Variants in NCAM1 observed in about 807,000 individuals in gnomAD.
NCAM1 encodes the protein antigen recognized by monoclonal antibody 5.1H11.
A neutral mutation model predicts 109.8 loss-of-function variants in NCAM1; 14 were observed. The ratio of observed to expected loss-of-function variants is 0.13; its 90% CI spans 0.08 to 0.20. The LOEUF is 0.20. NCAM1 is among the 10% of genes least tolerant of loss of function. NCAM1 has a pLI of 1.00. For synonymous variants in NCAM1, 418 were observed against 442.9 expected, an observed-to-expected ratio of 0.94 and a Z score of 0.70; for missense variants, 774 against 1,109.9, an observed-to-expected ratio of 0.70 and a Z score of 4.30.
At chr11:113,156,875 G>T (rs563237675) in intron 1 of NCAM1, among the ~76,000 whole-genome samples, 1 of 152,232 alleles carries the variant, frequency 6.6e-6, no homozygotes, top group African/African-American at 2.4e-5. Flanking sequence ...TGTTAAAGGA[G>T]AAGGTAGGCA....
chr11:113,256,143 C>T (rs980631939), intron 16 of NCAM1, 142 bp downstream of exon 16: 14 of 1,133,046 alleles, frequency 1.2e-5, no homozygotes, highest in Non-Finnish European at 1.6e-5. Flanking sequence ...TGGGCCCTGG[C>T]CATGGCTTAA....
chr11:113,003,956 T>C (rs1951822700), intron 1 of NCAM1: 1 of 152,236 alleles, frequency 6.6e-6, no homozygotes, highest in Non-Finnish European at 1.5e-5. Context: ...ACCAGGTGGT[T>C]TCACTTACGA....
chr11:113,121,239 T>TTTTTG (rs1373580232), intron 1 of NCAM1, among the ~76,000 whole-genome samples: 1 of 150,306 alleles, frequency 6.7e-6, no homozygotes, highest in Non-Finnish European at 1.5e-5. Context: ...TTTTTTTTTT[T>TTTTTG]TGAGACAGTC....
chr11:113,163,253 C>A (rs782353583), intron 1 of NCAM1, among the ~76,000 whole-genome samples: 2 of 152,120 alleles, frequency 1.3e-5, no homozygotes, highest in Admixed American at 6.5e-5. Context: ...ATATCTTTTT[C>A]TGTCTGTAAA....
At chr11:113,051,518 A>ACC (rs1953488271) in intron 1 of NCAM1, among the ~76,000 whole-genome samples, 2 of 137,556 alleles carry the variant, frequency 1.5e-5, no homozygotes, top group Non-Finnish European at 3.4e-5. Context: ...AAAATTGCCC[A>ACC]TTAAACTACC....
At chr11:113,226,669 C>T (rs1555116290) in intron 9 of NCAM1, among the ~76,000 whole-genome samples, 1 of 152,182 alleles carries the variant, frequency 6.6e-6, no homozygotes, top group African/African-American at 2.4e-5. Context: ...AAATTGACCA[C>T]ATAGTTGGAA....
At chr11:113,236,451 C>A (rs2137298002) in intron 14 of NCAM1, 1 of 914,654 alleles carries the variant, frequency 1.1e-6, no homozygotes, top group South Asian at 1.5e-5. Context: ...CCTAACCACA[C>A]TGACCTTAGT....
At chr11:112,995,453 A>G (rs1422128753) in intron 1 of NCAM1, among the ~76,000 whole-genome samples, 1 of 152,206 alleles carries the variant, frequency 6.6e-6, no homozygotes, top group African/African-American at 2.4e-5. Context: ...CTAACTTAAG[A>G]GTCTTGTGGT....
Position 112,961,447 on chromosome 11 carries a change from C to G in NCAM1, c.-166C>G. ...TCATTCTCCGATCAGCGCGTGAACG[C>G]AGCTCGGCTGCCGCTGGCAGGAAAC... On this transcript the variant is annotated 5_prime_UTR_variant, in exon 1 of 20. Coordinates refer to ENST00000316851, the MANE Select transcript of NCAM1 (RefSeq NM_181351.5). 1 of 769,134 alleles carries G rather than the reference C, an allele frequency of 1.3e-6. No homozygotes were observed. Among genetic ancestry groups the G allele is most frequent in the South Asian group, 1.4e-5 (1 of 72,280 alleles). 47.6% of individuals were successfully genotyped at this position (769,134 alleles called of 1,614,324 possible). A position where few individuals can be genotyped will look rare whatever the true frequency, so the allele number is the denominator to read the frequency against.
In NCAM1 at chr11:113,251,272, G is replaced by A. The variant is rs552216672; in HGVS notation, c.1829-4605G>A. On this transcript the variant is annotated intron_variant, in intron 15 of 19. Transcript: ENST00000316851. The stretch of plus-strand genomic sequence containing the variant: ...CTGGATTTGCTATAATTTTTGTTGT[G>A]GAATTCAGATATCCAGTGGAGTTTT... Among the ~76,000 whole-genome samples the A allele has an allele frequency of 2.6e-5, 4 of 152,272 alleles. No homozygotes were observed. In the South Asian group the frequency reaches 6.2e-4, roughly 24 times the overall value.
At chr11:113,235,191 T>C (rs1555118042) in intron 14 of NCAM1, 27 bp downstream of exon 14, 1 of 1,613,740 alleles carries the variant, frequency 6.2e-7, no homozygotes, top group East Asian at 2.2e-5. Flanking sequence ...GCCCCCCTTT[T>C]CCCAGCCCAC....
At chr11:113,132,569 C>G (rs1555098529) in intron 1 of NCAM1, among the ~76,000 whole-genome samples, 2 of 149,096 alleles carry the variant, frequency 1.3e-5, no homozygotes, top group African/African-American at 5.0e-5. Flanking sequence ...TAAGGGGGTT[C>G]AGATGAGTTT....
chr11:113,235,174 G>T lies in NCAM1; in HGVS notation c.1825+10G>T. On this transcript the variant is annotated intron_variant, in intron 14 of 19. Coordinates refer to ENST00000316851, the MANE Select transcript of NCAM1 (RefSeq NM_181351.5). ...AAGACGCAGCCAGTCCGTAAGTAAA[G>T]CCAGCTGCCCCCCTTTTCCCAGCCC... 2 of 1,613,918 alleles carry T rather than the reference G, an allele frequency of 1.2e-6. No individual in the cohort carries two copies. Among genetic ancestry groups the T allele is most frequent in the Non-Finnish European group, 1.7e-6 (2 of 1,179,850 alleles).
At chr11:113,220,602 CTTTTT>C (rs1175342641) in intron 8 of NCAM1, among the ~76,000 whole-genome samples, 2 of 75,592 alleles carry the variant, frequency 2.6e-5, no homozygotes, top group African/African-American at 1.2e-4. Context: ...CTCTCTCTCT[CTTTTT>C]TTTTTTTTTT....
chr11:113,099,521 G>A (rs1205447637), intron 1 of NCAM1, among the ~76,000 whole-genome samples: 3 of 152,108 alleles, frequency 2.0e-5, no homozygotes, highest in Non-Finnish European at 4.4e-5. Flanking sequence ...GCTAACAGAG[G>A]AATGTGCGTT....
At chr11:113,266,521 C>T (rs532090150) in intron 17 of NCAM1, among the ~76,000 whole-genome samples, 48 of 152,228 alleles carry the variant, frequency 3.2e-4, no homozygotes, top group African/African-American at 1.1e-3. Flanking sequence ...CATGGGATCA[C>T]GTGCTCCTCT....
chr11:113,182,060 T>G (rs1943350627), intron 1 of NCAM1, among the ~76,000 whole-genome samples: 1 of 152,208 alleles, frequency 6.6e-6, no homozygotes, highest in African/African-American at 2.4e-5. Context: ...ATTATAGCCC[T>G]GGTTGGAATG....
At chr11:113,224,836 G>A in intron 9 of NCAM1, among the ~76,000 whole-genome samples, 1 of 152,226 alleles carries the variant, frequency 6.6e-6, no homozygotes, top group East Asian at 1.9e-4. Context: ...CTGGAGTTGA[G>A]CTCTGGCAAA....
chr11:113,263,585 G>C (rs182681197), intron 17 of NCAM1: 7 of 985,564 alleles, frequency 7.1e-6, no homozygotes, highest in Non-Finnish European at 8.4e-6. Flanking sequence ...CTCGTATTAC[G>C]GCCAGCACCT....
Sources: gnomAD v4.1 joint callset for allele counts (sites outside exome capture counted in the v4.1 genomes callset) on GRCh38, gnomAD v4.1.1 for gene constraint, MANE v1.5 for transcripts, NCBI Gene and HGNC (gene_info 2026-07-23, HGNC 2026-07-21) for gene names.